The following R3HDM1 variants were observed in gnomAD, a reference collection of about 807,000 sequenced individuals.
The protein encoded by R3HDM1 is R3H domain-containing protein 1.
A neutral mutation model predicts 141.1 loss-of-function variants in R3HDM1; 46 were observed. The ratio of observed to expected loss-of-function variants is 0.33; its 90% CI spans 0.26 to 0.42. The LOEUF is 0.42. Ranked by LOEUF, R3HDM1 falls within the 10% of genes least tolerant of loss-of-function variation. The pLI is 1.00. For synonymous variants in R3HDM1, 435 were observed against 472.9 expected (o/e 0.92, Z 1.04); for missense variants, 1,184 against 1,368.3 (o/e 0.87, Z 2.12).
intron 18 of R3HDM1, 103 bp downstream of exon 18, chr2:135,652,135 G>A: frequency 6.9e-7 from 1 of 1,439,556 alleles, no homozygotes; most frequent in Non-Finnish European, 9.2e-7. Context: ...GAGAATTTGT[G>A]AGAGTATATA....
chr2:135,667,124 C>T (rs551941996), intron 19 of R3HDM1: 8 of 930,436 alleles, frequency 8.6e-6, no homozygotes, highest in Non-Finnish European at 1.0e-5. Context: ...TAGTTCAGAT[C>T]ACCTATATAA....
chr2:135,617,141 G>T (rs560501203), intron 5 of R3HDM1, among the ~76,000 whole-genome samples: 1 of 152,174 alleles, frequency 6.6e-6, no homozygotes, highest in South Asian at 2.1e-4. Flanking sequence ...GGCTAACACG[G>T]TGAAACCCCA....
chr2:135,708,400 T>G (rs2105433228), intron 21 of R3HDM1, among the ~76,000 whole-genome samples: 1 of 152,362 alleles, frequency 6.6e-6, no homozygotes, highest in East Asian at 1.9e-4. Flanking sequence ...GTATTCTCTG[T>G]AATTCAGTAG....
Position 135,664,439 on chromosome 2 carries a change from A to G in R3HDM1, c.2152+3046A>G, listed in dbSNP as rs920139021. ...AGTAGACTTGGAGCAATTTTTTTTC[A>G]CTGTGGCACAAGTAATGTTTAAAAG... On this transcript the variant is annotated intron_variant, in intron 19 of 26. Transcript: ENST00000683871. Among the ~76,000 whole-genome samples the G allele has an allele frequency of 9.9e-5, 15 of 152,078 alleles. No individual in the cohort carries two copies. The Middle Eastern group carries it at 9.5e-3, about 96-fold the overall frequency.
At chr2:135,700,792 C>T (rs1047373932) in intron 21 of R3HDM1, among the ~76,000 whole-genome samples, 1 of 152,084 alleles carries the variant, frequency 6.6e-6, no homozygotes, top group Admixed American at 6.6e-5. Context: ...TGGAATTTCC[C>T]ATGCTATTAA....
At chr2:135,591,998 T>C (rs2105065444) in intron 1 of R3HDM1, among the ~76,000 whole-genome samples, 1 of 152,328 alleles carries the variant, frequency 6.6e-6, no homozygotes, top group South Asian at 2.1e-4. Context: ...TCAGAGTTTT[T>C]ATTGGGATCT....
chr2:135,570,852 T>C (rs1462716055), intron 1 of R3HDM1, among the ~76,000 whole-genome samples: 1 of 152,238 alleles, frequency 6.6e-6, no homozygotes, highest in African/African-American at 2.4e-5. Flanking sequence ...AAAACTATTT[T>C]CGTTTTTAAA....
At position 135,604,946 on chromosome 2, in the gene R3HDM1, A is replaced by C. The variant is rs1375692821; in HGVS notation, c.101A>C (p.Lys34Thr). The change falls in exon 3 of 27, where the codon AAA (lysine) becomes ACA (threonine). Residue 34 changes from lysine (K) to threonine (T), a missense_variant. Physicochemically the swap from Lys to Thr is moderately conservative, Grantham distance 78 (BLOSUM62 -1). This residue lies in a region of R3HDM1 where 192 missense variants were observed against 215.7 expected (regional missense o/e 0.89). Transcript: ENST00000683871. ...KDTTRVENLI[K>T]SENYGKILVE... The stretch of plus-strand genomic sequence containing the variant: ...ACAACCAGAGTTGAAAATCTTATCA[A>C]ATCAGAAAACTATGGGAAGATTTTG... 6.2e-7 allele frequency: 1 copy of C among 1,612,454 alleles called. No individual in the cohort carries two copies. Among genetic ancestry groups the C allele is most frequent in the Non-Finnish European group, 8.5e-7 (1 of 1,178,888 alleles).
intron 1 of R3HDM1, chr2:135,536,893 G>A (rs112742135): frequency 1.6e-5 from 3 of 190,334 alleles, no homozygotes; most frequent in Admixed American, 1.3e-4. Flanking sequence ...GCATGCAAGG[G>A]ATCTGGGTTG....
rs2067460027 is a variant in R3HDM1 at position 135,666,142 on chromosome 2, CTTG to C, written c.2152+4752_2152+4754del. Among the ~76,000 whole-genome samples, 5 of 152,174 alleles carry C rather than the reference CTTG, an allele frequency of 3.3e-5. No individual in the cohort carries two copies. The South Asian group carries it at 1.0e-3, about 31-fold the overall frequency. ...CTGATGAACGACACTATGGAAGAAA[CTTG>C]TTAGGATAAACAGTCTTCAATGTGT... On this transcript the variant is annotated intron_variant, in intron 19 of 26. Transcript: ENST00000683871.
In R3HDM1 at chr2:135,709,412, GT is replaced by G. The variant is rs763370240; in HGVS notation, c.2460-14del. 12 of 1,613,242 alleles carry G rather than the reference GT, an allele frequency of 7.4e-6. No homozygotes were observed. Among genetic ancestry groups the G allele is most frequent in the Non-Finnish European group, 1.7e-6 (2 of 1,179,668 alleles). ...ATAGTCATCCTCCTCTCATTATGCT[GT>G]TTTTTTGTTTTTTCCATAGCTCTTC... is the stretch of plus-strand genomic sequence containing the variant. On this transcript the variant is annotated intron_variant, in intron 21 of 26. Transcript: ENST00000683871.
intron 19 of R3HDM1, among the ~76,000 whole-genome samples, chr2:135,671,600 G>A (rs367717198): frequency 4.1e-4 from 62 of 151,786 alleles, no homozygotes; most frequent in African/African-American, 1.4e-3. Flanking sequence ...AACTCCTGAC[G>A]TCAGGTGATC....
chr2:135,561,479 G>T (rs1701788573), intron 1 of R3HDM1: 1 of 409,912 alleles, frequency 2.4e-6, no homozygotes, highest in East Asian at 1.6e-4. Flanking sequence ...CGCTTTGGTA[G>T]GCCAAGGCAG....
intron 1 of R3HDM1, among the ~76,000 whole-genome samples, chr2:135,592,729 C>CAT (rs749317782): frequency 6.0e-5 from 9 of 149,650 alleles, no homozygotes; most frequent in Non-Finnish European, 1.2e-4. Flanking sequence ...TTTTTTTTTT[C>CAT]CTCCATGTAG....
chr2:135,697,388 C>T (rs971841330), intron 21 of R3HDM1, among the ~76,000 whole-genome samples: 1 of 152,136 alleles, frequency 6.6e-6, no homozygotes, highest in Non-Finnish European at 1.5e-5. Context: ...TACTAGCTGG[C>T]TCTTGCAGAA....
intron 1 of R3HDM1, chr2:135,587,093 A>G: frequency 1.5e-6 from 1 of 674,982 alleles, no homozygotes; most frequent in Non-Finnish European, 1.8e-6. Flanking sequence ...ATAATCAGAT[A>G]TCACATTGCA....
chr2:135,612,089 A>G (rs2060602653), intron 3 of R3HDM1, among the ~76,000 whole-genome samples: 1 of 152,174 alleles, frequency 6.6e-6, no homozygotes, highest in Non-Finnish European at 1.5e-5. Flanking sequence ...AAAACAAATT[A>G]GTGATTGTGT....
chr2:135,574,246 T>C (rs1479872354), intron 1 of R3HDM1, among the ~76,000 whole-genome samples: 1 of 152,204 alleles, frequency 6.6e-6, no homozygotes, highest in African/African-American at 2.4e-5. Context: ...CTCACTGCAG[T>C]TATTTGAAAA....
intron 23 of R3HDM1, among the ~76,000 whole-genome samples, chr2:135,711,130 C>T (rs940965823): frequency 6.6e-6 from 1 of 152,104 alleles, no homozygotes; most frequent in Non-Finnish European, 1.5e-5. Flanking sequence ...ATACTCTTAC[C>T]GAAATTTGAA....
Sources: allele counts gnomAD v4.1 joint callset (sites outside exome capture counted in the v4.1 genomes callset), GRCh38; gene constraint gnomAD v4.1.1; regional missense constraint gnomAD v4.1.1; transcripts MANE v1.5; gene names NCBI Gene and HGNC (gene_info 2026-07-23, HGNC 2026-07-21).